The following PCDHGA7 variants were observed in gnomAD, a reference collection of about 807,000 sequenced individuals.
PCDHGA7 encodes protocadherin gamma-A7.
In PCDHGA7, 44 loss-of-function variants were observed where a neutral mutation model predicts 58.3. The ratio of observed to expected loss-of-function variants is 0.75; its 90% CI spans 0.59 to 0.97. PCDHGA7 has a LOEUF of 0.97. Among genes scored for constraint, PCDHGA7 ranks in the 50% least tolerant of loss-of-function variants. PCDHGA7 has a pLI of 0.00. For synonymous variants in PCDHGA7, 516 were observed against 504.2 expected (o/e 1.02, Z -0.31); for missense variants, 1,266 against 1,188.7 (o/e 1.06, Z -0.96).
chr5:141,386,345 AG>A (rs2090538065), intron 1 of PCDHGA7, among the ~76,000 whole-genome samples: 1 of 152,200 alleles, frequency 6.6e-6, no homozygotes, highest in Admixed American at 6.5e-5. Context: ...GTGGATGACA[AG>A]GTAATCTTGA....
intron 1 of PCDHGA7, chr5:141,422,797 G>A (rs1037091316): frequency 2.5e-6 from 4 of 1,614,244 alleles, no homozygotes; most frequent in Non-Finnish European, 3.4e-6. Context: ...CTTCGACTAT[G>A]AGCAGTTTCG....
chr5:141,487,176 A>T lies in PCDHGA7; in HGVS notation c.2425-7631A>T. ...ACTCTCTTAGTGTCCTTAGAGGAAG[A>T]CACTCATCCAGTTGTCCCAGATCTT... On this transcript the variant is annotated intron_variant, in intron 1 of 3. Transcript: ENST00000518325. This position sits in a 1 kb window ranked among gnomAD's most constrained non-coding sequence, Gnocchi z 5.0. 1 of 1,613,774 alleles carries T rather than the reference A, an allele frequency of 6.2e-7. No individual in the cohort carries two copies. Among genetic ancestry groups the T allele is most frequent in the South Asian group, 1.1e-5 (1 of 91,082 alleles).
chr5:141,498,673 T>C (rs1158071657), intron 2 of PCDHGA7, among the ~76,000 whole-genome samples: 1 of 152,180 alleles, frequency 6.6e-6, no homozygotes, highest in Non-Finnish European at 1.5e-5. Flanking sequence ...GGCTCACGCC[T>C]GTAATCCCAG....
chr5:141,389,935 C>G (rs1212194328), intron 1 of PCDHGA7: 1 of 1,613,966 alleles, frequency 6.2e-7, no homozygotes, highest in Non-Finnish European at 8.5e-7. Flanking sequence ...GACCTCCAGG[C>G]TGAGCTGCAG....
chr5:141,511,411 A>T lies in PCDHGA7; in HGVS notation c.*238A>T. On this transcript the variant is annotated 3_prime_UTR_variant, in exon 4 of 4. Transcript: ENST00000518325. ...GAACCCCCATCCAATCAACTGCTGTACCCATGGGGGTAGTGGGGTTACTGT... is the reference window on the plus strand; with the variant it reads ...GAACCCCCATCCAATCAACTGCTGTTCCCATGGGGGTAGTGGGGTTACTGT... 1.1e-6 allele frequency: 1 copy of T among 901,334 alleles called. No individual in the cohort carries two copies. Among genetic ancestry groups the T allele is most frequent in the Non-Finnish European group, 1.6e-6 (1 of 617,750 alleles). 55.8% of individuals were successfully genotyped at this position (901,334 alleles called of 1,614,324 possible).
intron 1 of PCDHGA7, chr5:141,408,968 C>T (rs752629281): frequency 6.2e-7 from 1 of 1,613,702 alleles, no homozygotes; most frequent in Non-Finnish European, 8.5e-7. Context: ...TGAAAATCTG[C>T]CCCCTGGGTC....
chr5:141,415,078 G>C, intron 1 of PCDHGA7: 1 of 1,613,494 alleles, frequency 6.2e-7, no homozygotes, highest in Non-Finnish European at 8.5e-7. Context: ...CACGGCGCGA[G>C]CCCTGCTGGA....
chr5:141,483,257 T>G, intron 1 of PCDHGA7, among the ~76,000 whole-genome samples: 1 of 137,924 alleles, frequency 7.3e-6, no homozygotes, highest in East Asian at 1.9e-4. Flanking sequence ...ATCATGAGGT[T>G]TTTTTGTTTT....
chr5:141,448,166 A>G (rs1475687778), intron 1 of PCDHGA7, among the ~76,000 whole-genome samples: 2 of 151,978 alleles, frequency 1.3e-5, no homozygotes, highest in Non-Finnish European at 2.9e-5. Context: ...AAAGATCACT[A>G]CTATTCATCC....
In PCDHGA7 at chr5:141,458,391, C is replaced by G. The variant is rs534396279; in HGVS notation, c.2425-36416C>G. 5.9e-5 allele frequency among the ~76,000 whole-genome samples: 9 copies of G among 152,126 alleles called. No homozygotes were observed. In the South Asian group the frequency reaches 1.0e-3, roughly 18 times the overall value. ...GGAGAAGAGAGAAGGAAGACGCTCCCCCTTGCAGAGACGGAGCGGGGGTTC... is the reference window on the plus strand; with the variant it reads ...GGAGAAGAGAGAAGGAAGACGCTCCGCCTTGCAGAGACGGAGCGGGGGTTC... On this transcript the variant is annotated intron_variant, in intron 1 of 3. Coordinates refer to ENST00000518325, the MANE Select transcript of PCDHGA7 (RefSeq NM_018920.4).
intron 1 of PCDHGA7, among the ~76,000 whole-genome samples, chr5:141,475,364 G>C (rs2099362607): frequency 6.6e-6 from 1 of 152,200 alleles, no homozygotes; most frequent in Admixed American, 6.5e-5. Flanking sequence ...AATAAAATCT[G>C]AATTGTACTT....
chr5:141,495,977 T>C (rs2099765025), intron 2 of PCDHGA7, among the ~76,000 whole-genome samples: 1 of 152,174 alleles, frequency 6.6e-6, no homozygotes, highest in Admixed American at 6.5e-5. Flanking sequence ...TCTGTTACTC[T>C]TTCTTTATCT....
chr5:141,437,377 A>G (rs1021305426), intron 1 of PCDHGA7, among the ~76,000 whole-genome samples: 3 of 152,246 alleles, frequency 2.0e-5, no homozygotes, highest in Non-Finnish European at 2.9e-5. Flanking sequence ...AATCAGTCAG[A>G]AGACATTCAT....
intron 1 of PCDHGA7, among the ~76,000 whole-genome samples, chr5:141,469,731 C>A (rs1332201791): frequency 6.6e-6 from 1 of 152,214 alleles, no homozygotes; most frequent in Non-Finnish European, 1.5e-5. Context: ...ATCATAAATA[C>A]ACACCTCAAA....
intron 1 of PCDHGA7, chr5:141,389,331 G>C (rs1212558688): frequency 6.2e-7 from 1 of 1,613,868 alleles, no homozygotes; most frequent in Non-Finnish European, 8.5e-7. Flanking sequence ...GGGGCCCAAC[G>C]GCCAAGTCTC....
chr5:141,402,223 T>C (rs1329025694), intron 1 of PCDHGA7, among the ~76,000 whole-genome samples: 1 of 152,054 alleles, frequency 6.6e-6, no homozygotes, highest in Non-Finnish European at 1.5e-5. Context: ...AAATAAACGT[T>C]TTTCCAGGAA....
intron 1 of PCDHGA7, chr5:141,427,649 C>T (rs1283312654): frequency 1.4e-6 from 1 of 717,274 alleles, no homozygotes; most frequent in East Asian, 2.7e-5. Context: ...AAGTCTCCTA[C>T]GTGGTCCACG....
At chr5:141,454,697 T>A (rs768850161) in intron 1 of PCDHGA7, among the ~76,000 whole-genome samples, 14 of 150,312 alleles carry the variant, frequency 9.3e-5, no homozygotes, top group African/African-American at 3.4e-4. Flanking sequence ...TGAGCCACCA[T>A]GCTCCACCTG....
intron 1 of PCDHGA7, chr5:141,426,871 A>G (rs887250057): frequency 2.2e-6 from 1 of 456,722 alleles, no homozygotes; most frequent in Non-Finnish European, 4.4e-6. Flanking sequence ...GTGCTGGAGA[A>G]GCCCCTGGGC....
Sources: allele counts gnomAD v4.1 joint callset (sites outside exome capture counted in the v4.1 genomes callset), GRCh38; gene constraint gnomAD v4.1.1; non-coding constraint Gnocchi (gnomAD v3.1); transcripts MANE v1.5; gene names NCBI Gene and HGNC (gene_info 2026-07-23, HGNC 2026-07-21).